TOM1: variants seen among roughly 807,000 people sequenced by gnomAD.
TOM1 encodes the protein target of Myb protein 1.
In TOM1, 38 loss-of-function variants were observed where a neutral mutation model predicts 61.3. The ratio of observed to expected loss-of-function variants is 0.62; its 90% CI spans 0.48 to 0.81. The LOEUF is 0.81. TOM1 is among the 40% of genes least tolerant of loss of function. The pLI, the probability that TOM1 is intolerant of heterozygous loss-of-function variation, is 0.00. For synonymous variants in TOM1, 270 were observed against 268.8 expected (o/e 1.00, Z -0.04); for missense variants, 591 against 659.6 (o/e 0.90, Z 1.14).
At chr22:35,308,917 G>A (rs1167131108) in intron 1 of TOM1, among the ~76,000 whole-genome samples, 1 of 152,146 alleles carries the variant, frequency 6.6e-6, no homozygotes, top group East Asian at 1.9e-4. Context: ...CAGGGGAGAG[G>A]CAGCCAGGGT....
At chr22:35,313,545 G>T (rs1327196065) in intron 1 of TOM1, among the ~76,000 whole-genome samples, 1 of 152,174 alleles carries the variant, frequency 6.6e-6, no homozygotes, top group Non-Finnish European at 1.5e-5. Context: ...ATCCTGTGAG[G>T]CAGGCAGTCT....
chr22:35,307,260 T>A (rs1252048080), intron 1 of TOM1, among the ~76,000 whole-genome samples: 1 of 152,196 alleles, frequency 6.6e-6, no homozygotes, highest in African/African-American at 2.4e-5. Flanking sequence ...TTCATTAGCT[T>A]ATCTGTTAAA....
intron 12 of TOM1, among the ~76,000 whole-genome samples, chr22:35,343,928 C>A (rs1400046965): frequency 6.7e-6 from 1 of 149,568 alleles, no homozygotes; most frequent in East Asian, 2.0e-4. Context: ...CCACACACAT[C>A]TACACACACC....
At chr22:35,331,532 G>T in intron 8 of TOM1, 1 of 324,048 alleles carries the variant, frequency 3.1e-6, no homozygotes, top group South Asian at 2.4e-5. Context: ...GCCCCACCGG[G>T]ATGATGTGAA....
intron 3 of TOM1, chr22:35,322,583 T>A (rs1927893515): frequency 5.2e-6 from 1 of 190,684 alleles, no homozygotes. Context: ...CCAGGTGAAT[T>A]GGCTTAAGCA....
intron 6 of TOM1, among the ~76,000 whole-genome samples, chr22:35,324,412 C>CAAAAAAAAAAAAAAAAAAAAAA (rs58401864): frequency 1.6e-5 from 1 of 61,190 alleles, no homozygotes; most frequent in African/African-American, 5.0e-5. Flanking sequence ...AGACCTGTTT[C>CAAAAAAAAAAAAAAAAAAAAAA]AAAAAAAAAA....
In TOM1 at chr22:35,347,789, TCAGC is replaced by T. The variant is rs1156259240; in HGVS notation, c.*582_*585del. 1.3e-5 allele frequency: 2 copies of T among 153,056 alleles called. No individual in the cohort carries two copies. The highest frequency in any genetic ancestry group is 3.8e-4 in the East Asian group (2 of 5,196). The allele number at this position is 153,056 out of a possible 1,614,324, so 9.5% of individuals were successfully genotyped here. ...TCTGCGCGCAGTGGGCGAGATCTCA[TCAGC>T]CCCAGGCTGCAGGTGAGGCTTCAGG... On this transcript the variant is annotated 3_prime_UTR_variant, in exon 15 of 15. Transcript: ENST00000449058.
chr22:35,325,153 C>T (rs1433754727), intron 6 of TOM1, among the ~76,000 whole-genome samples: 3 of 152,252 alleles, frequency 2.0e-5, no homozygotes, highest in Admixed American at 6.5e-5. Flanking sequence ...GTTGTACACA[C>T]ATCAGGCCCA....
At chr22:35,312,334 G>C (rs896104700) in intron 1 of TOM1, among the ~76,000 whole-genome samples, 3 of 151,936 alleles carry the variant, frequency 2.0e-5, no homozygotes, top group Admixed American at 1.3e-4. Flanking sequence ...CTCAGCACCT[G>C]GTCTTTCCTG....
intron 1 of TOM1, 86 bp downstream of exon 1, chr22:35,300,066 C>T (rs1376984184): frequency 1.4e-6 from 2 of 1,480,362 alleles, no homozygotes; most frequent in Non-Finnish European, 9.2e-7. Flanking sequence ...TGCCTAGTCA[C>T]GGAGGCAGGG....
intron 1 of TOM1, among the ~76,000 whole-genome samples, chr22:35,313,811 G>C (rs1434792677): frequency 6.6e-6 from 1 of 152,206 alleles, no homozygotes; most frequent in Non-Finnish European, 1.5e-5. Context: ...AGGCTTGCCA[G>C]CCATAAACAA....
chr22:35,319,751 G>GGGCC (rs1927608769), intron 2 of TOM1, among the ~76,000 whole-genome samples: 1 of 152,218 alleles, frequency 6.6e-6, no homozygotes, highest in Non-Finnish European at 1.5e-5. Flanking sequence ...CCAAGACCAG[G>GGGCC]AGCCAGGGAC....
At chr22:35,346,997 C>T in intron 14 of TOM1, 28 bp downstream of exon 14, 2 of 1,603,684 alleles carry the variant, frequency 1.2e-6, no homozygotes, top group Non-Finnish European at 1.7e-6. Flanking sequence ...TGCCCGCCCT[C>T]TCCTTTCCCC....
At chr22:35,327,468 C>A in intron 7 of TOM1, 81 bp downstream of exon 7, 3 of 985,516 alleles carry the variant, frequency 3.0e-6, no homozygotes, top group Non-Finnish European at 4.7e-6. Flanking sequence ...ATCCTCATGA[C>A]AGTCTTCATG....
chr22:35,323,271 C>A lies in TOM1; in HGVS notation c.366+94C>A. ...AGAGTCGAGGCCATCGTGTTTGTCCCAGGCTCCGCTTCTCATTTCGGGGCG... is the reference window on the plus strand; with the variant it reads ...AGAGTCGAGGCCATCGTGTTTGTCCAAGGCTCCGCTTCTCATTTCGGGGCG... On this transcript the variant is annotated intron_variant, in intron 4 of 14. Coordinates refer to ENST00000449058, the MANE Select transcript of TOM1 (RefSeq NM_005488.3). This position sits in a 1 kb window ranked among gnomAD's most constrained non-coding sequence, Gnocchi z 4.2. 6.6e-7 allele frequency: 1 copy of A among 1,515,530 alleles called. No homozygotes were observed. Among genetic ancestry groups the A allele is most frequent in the South Asian group, 1.2e-5 (1 of 84,808 alleles). The allele number at this position is 1,515,530 out of a possible 1,614,324, so 93.9% of individuals were successfully genotyped here.
chr22:35,312,635 C>T (rs896191307), intron 1 of TOM1, among the ~76,000 whole-genome samples: 6 of 152,072 alleles, frequency 3.9e-5, no homozygotes, highest in Admixed American at 6.5e-5. Context: ...GTTGTGGTGA[C>T]GGGTGACTGA....
intron 2 of TOM1, among the ~76,000 whole-genome samples, chr22:35,319,272 G>A (rs1339933456): frequency 2.6e-5 from 4 of 152,168 alleles, no homozygotes; most frequent in East Asian, 1.9e-4. Flanking sequence ...GAACAGGCTC[G>A]GCGTCGGTCA....
intron 10 of TOM1, 138 bp from the exon 11 acceptor site, chr22:35,334,190 G>A: frequency 8.5e-7 from 1 of 1,170,006 alleles, no homozygotes; most frequent in South Asian, 1.6e-5. Context: ...AGCAGCAGGT[G>A]GCCTGCCTCG....
chr22:35,345,326 G>A (rs950376093), intron 12 of TOM1: 7 of 236,532 alleles, frequency 3.0e-5, no homozygotes, highest in African/African-American at 1.5e-4. Flanking sequence ...AAAATGCCTG[G>A]GGTCTGACCC....
Sources: gnomAD v4.1 joint callset for allele counts (sites outside exome capture counted in the v4.1 genomes callset) on GRCh38, gnomAD v4.1.1 for gene constraint, Gnocchi (gnomAD v3.1) non-coding constraint, MANE v1.5 for transcripts, NCBI Gene and HGNC (gene_info 2026-07-23, HGNC 2026-07-21) for gene names.